Variants in HMGCLL1 observed in about 807,000 individuals in gnomAD.
HMGCLL1 encodes 3-hydroxy-3-methylglutaryl-CoA lyase like 1.
Under a neutral mutation model 39.1 loss-of-function variants are expected in HMGCLL1, and 36 were observed. That is an observed-to-expected ratio of 0.92 (90% CI 0.71 to 1.22). The LOEUF (loss-of-function observed/expected upper bound fraction) is 1.22, where lower values mean the gene tolerates loss of function less well. Among genes scored for constraint, HMGCLL1 ranks in the 50% most tolerant of loss-of-function variants. The pLI, the probability that HMGCLL1 is intolerant of heterozygous loss-of-function variation, is 0.00. For synonymous variants in HMGCLL1, 149 were observed against 144.0 expected (o/e 1.03, Z -0.25); for missense variants, 451 against 416.5 (o/e 1.08, Z -0.72).
intron 8 of HMGCLL1, among the ~76,000 whole-genome samples, chr6:55,436,135 A>G (rs567479442): frequency 2.0e-5 from 3 of 152,056 alleles, no homozygotes; most frequent in African/African-American, 7.2e-5. Flanking sequence ...CAGTTTATAG[A>G]TAAGAACTGA....
intron 7 of HMGCLL1, among the ~76,000 whole-genome samples, chr6:55,456,881 A>G (rs1307382218): frequency 1.3e-5 from 2 of 152,146 alleles, no homozygotes; most frequent in African/African-American, 4.8e-5. Context: ...AGTGAAGCAA[A>G]CAGGGTGCAA....
the HMGCLL1 span, among the ~76,000 whole-genome samples, chr6:55,663,121 A>G: frequency 6.6e-6 from 1 of 151,312 alleles, no homozygotes; most frequent in Non-Finnish European, 1.5e-5. Flanking sequence ...TTAATTAAAA[A>G]AAAACATACT....
At chr6:55,599,055 C>A in the HMGCLL1 span, among the ~76,000 whole-genome samples, 5 of 151,964 alleles carry the variant, frequency 3.3e-5, no homozygotes, top group Admixed American at 1.3e-4. Context: ...TAAGTGGGAG[C>A]TGAACAATGA....
chr6:55,589,801 A>G, the HMGCLL1 span, among the ~76,000 whole-genome samples: 1 of 152,176 alleles, frequency 6.6e-6, no homozygotes, highest in Non-Finnish European at 1.5e-5. Context: ...TCCCATTCAC[A>G]ATTGCTTCAA....
chr6:55,440,989 C>G (rs1379742411), intron 7 of HMGCLL1, among the ~76,000 whole-genome samples: 4 of 152,092 alleles, frequency 2.6e-5, no homozygotes, highest in African/African-American at 9.7e-5. Flanking sequence ...ACATCTGTTA[C>G]AGAAAACATT....
rs542767384 is a variant in HMGCLL1, at chr6:55,465,030, T to C, written c.796-25471A>G. Among the ~76,000 whole-genome samples, 244 of 152,196 alleles carry C rather than the reference T, an allele frequency of 1.6e-3. 3 individuals carry two copies. Among genetic ancestry groups the C allele is most frequent in the Non-Finnish European group, 2.4e-3 (161 of 68,026 alleles). On this transcript the variant is annotated intron_variant, in intron 7 of 8. Coordinates refer to ENST00000274901, the MANE Select transcript of HMGCLL1 (RefSeq NM_001042406.2). ...ATCTTTAAGATACCAAATTCATTCA[T>C]CTGTGAACATTATATATCTAGTCAT...
intron 1 of HMGCLL1, among the ~76,000 whole-genome samples, chr6:55,556,368 A>G (rs1770666154): frequency 6.6e-6 from 1 of 152,188 alleles, no homozygotes; most frequent in Non-Finnish European, 1.5e-5. Context: ...CTGCAAAGCT[A>G]TACAGACATC....
intron 7 of HMGCLL1, among the ~76,000 whole-genome samples, chr6:55,489,091 G>A (rs548404607): frequency 2.0e-5 from 3 of 152,122 alleles, no homozygotes; most frequent in African/African-American, 7.2e-5. Context: ...CAAAGGAAAA[G>A]TCTGTGTTAC....
At chr6:55,635,999 C>T in the HMGCLL1 span, among the ~76,000 whole-genome samples, 1 of 152,072 alleles carries the variant, frequency 6.6e-6, no homozygotes, top group Non-Finnish European at 1.5e-5. Context: ...GCTGGAAGTC[C>T]TCCAGCAGCA....
intron 3 of HMGCLL1, among the ~76,000 whole-genome samples, chr6:55,527,194 A>G (rs1768366700): frequency 6.6e-6 from 1 of 152,094 alleles, no homozygotes; most frequent in South Asian, 2.1e-4. Context: ...GCTCCTAGAG[A>G]GAACTCACCT....
In HMGCLL1 at chr6:55,510,390, C is replaced by T. The variant is rs1381557552; in HGVS notation, c.542+3658G>A. On this transcript the variant is annotated intron_variant, in intron 5 of 8. Coordinates refer to ENST00000274901, the MANE Select transcript of HMGCLL1 (RefSeq NM_001042406.2). ...ACAATAGCAAAGACTTGGAACCAAC[C>T]CAAATGACCAACAATGATAGACTGA... Among the ~76,000 whole-genome samples the T allele has an allele frequency of 2.0e-5, 3 of 151,404 alleles. No homozygotes were observed. In the Admixed American group the frequency reaches 2.0e-4, roughly 10 times the overall value.
chr6:55,454,156 C>T (rs541042160), intron 7 of HMGCLL1, among the ~76,000 whole-genome samples: 1 of 152,180 alleles, frequency 6.6e-6, no homozygotes, highest in South Asian at 2.1e-4. Flanking sequence ...ATTCTTGTAA[C>T]TCAAATAATT....
chr6:55,491,421 AGAG>A (rs1217062221), intron 7 of HMGCLL1, among the ~76,000 whole-genome samples: 1 of 152,198 alleles, frequency 6.6e-6, no homozygotes, highest in African/African-American at 2.4e-5. Flanking sequence ...TCTTTCTAAA[AGAG>A]AATAGTAAAC....
chr6:55,460,966 A>G (rs1483149820), intron 7 of HMGCLL1, among the ~76,000 whole-genome samples: 10 of 152,018 alleles, frequency 6.6e-5, no homozygotes, highest in Admixed American at 6.6e-4. Flanking sequence ...TATAAAATAT[A>G]AGACACAATA....
intron 6 of HMGCLL1, among the ~76,000 whole-genome samples, chr6:55,496,011 A>C (rs774783128): frequency 4.6e-5 from 7 of 151,522 alleles, no homozygotes; most frequent in Admixed American, 6.6e-5. Context: ...TCAAAATAGT[A>C]ATAAGAGATC....
intron 1 of HMGCLL1, among the ~76,000 whole-genome samples, chr6:55,555,366 C>A (rs930506079): frequency 6.6e-6 from 1 of 152,134 alleles, no homozygotes; most frequent in Non-Finnish European, 1.5e-5. Flanking sequence ...AACGATCCCA[C>A]AACAAAAAGG....
chr6:55,616,200 T>C, the HMGCLL1 span, among the ~76,000 whole-genome samples: 1 of 152,084 alleles, frequency 6.6e-6, no homozygotes, highest in Non-Finnish European at 1.5e-5. Context: ...ATGTTTGCTA[T>C]GGGATTTGCT....
intron 4 of HMGCLL1, 82 bp downstream of exon 4, chr6:55,516,426 A>C (rs1320905176): frequency 1.2e-6 from 1 of 846,440 alleles, no homozygotes; most frequent in Non-Finnish European, 1.9e-6. Context: ...GATGAGTTAC[A>C]TATGACACAA....
At chr6:55,534,044 C>T (rs926869088) in intron 3 of HMGCLL1, among the ~76,000 whole-genome samples, 1 of 152,066 alleles carries the variant, frequency 6.6e-6, no homozygotes, top group Non-Finnish European at 1.5e-5. Context: ...GGTGTGTGTT[C>T]ACTGTTTTCA....
Sources: gnomAD v4.1 joint callset for allele counts (sites outside exome capture counted in the v4.1 genomes callset) on GRCh38, gnomAD v4.1.1 for gene constraint, MANE v1.5 for transcripts, NCBI Gene and HGNC (gene_info 2026-07-23, HGNC 2026-07-21) for gene names.